Variants in NEK1 observed in about 807,000 individuals in gnomAD.
NEK1 encodes NIMA related kinase 1.
A neutral mutation model predicts 182.1 loss-of-function variants in NEK1; 137 were observed. That is an observed-to-expected ratio of 0.75 (90% CI 0.65 to 0.87). NEK1 has a LOEUF of 0.87. Ranked by LOEUF, NEK1 falls within the 40% of genes least tolerant of loss-of-function variation. The pLI, the probability that NEK1 is intolerant of heterozygous loss-of-function variation, is 0.00. For missense variants in NEK1, 1,391 were observed against 1,494.4 expected (o/e 0.93, Z 1.14); for synonymous variants, 513 against 492.2 (o/e 1.04, Z -0.56).
intron 5 of NEK1, among the ~76,000 whole-genome samples, chr4:169,593,087 T>C (rs1264678708): frequency 6.6e-6 from 1 of 151,958 alleles, no homozygotes; most frequent in Non-Finnish European, 1.5e-5. Context: ...TTGTACTTCT[T>C]AATTTGACAA....
chr4:169,606,910 T>C (rs1196164349), intron 2 of NEK1, among the ~76,000 whole-genome samples: 2 of 152,332 alleles, frequency 1.3e-5, no homozygotes, highest in East Asian at 1.9e-4. Flanking sequence ...ATCCCAGCCT[T>C]TTCCCTGAAG....
chr4:169,589,165 A>C (rs1038298225), intron 7 of NEK1, among the ~76,000 whole-genome samples: 5 of 152,216 alleles, frequency 3.3e-5, no homozygotes, highest in Non-Finnish European at 7.3e-5. Flanking sequence ...AGTATTCAGT[A>C]CAGAACATGC....
chr4:169,473,104 G>GA (rs34776787), intron 26 of NEK1, among the ~76,000 whole-genome samples: 2 of 149,210 alleles, frequency 1.3e-5, no homozygotes, highest in South Asian at 2.1e-4. Flanking sequence ...TAACAAAAAA[G>GA]AAAAAAAAAA....
rs1222449812 is a variant in NEK1 at position 169,590,364 on chromosome 4, T to C, written c.396+362A>G. On this transcript the variant is annotated intron_variant, in intron 6 of 35. Transcript: ENST00000507142. ...GACAGACAGACAGGCAAAAGGCACA[T>C]ACTTCATAATACCCATTTATATAAA... 4.1e-5 allele frequency among the ~76,000 whole-genome samples: 6 copies of C among 144,814 alleles called. No individual in the cohort carries two copies. The South Asian group carries it at 6.5e-4, about 16-fold the overall frequency.
chr4:169,599,541 T>G (rs1480584508), intron 4 of NEK1, among the ~76,000 whole-genome samples: 1 of 152,182 alleles, frequency 6.6e-6, no homozygotes, highest in African/African-American at 2.4e-5. Flanking sequence ...TAAAATCATG[T>G]TTTTCCACCA....
chr4:169,554,071 A>G (rs1162546988), intron 18 of NEK1: 2 of 152,216 alleles, frequency 1.3e-5, no homozygotes, highest in Admixed American at 1.3e-4. Flanking sequence ...CATAATTGCC[A>G]TAACTTAAAA....
intron 2 of NEK1, among the ~76,000 whole-genome samples, chr4:169,606,929 C>G (rs764691532): frequency 6.6e-6 from 1 of 152,186 alleles, no homozygotes; most frequent in Non-Finnish European, 1.5e-5. Context: ...AGAGAGTTTC[C>G]AAACTGTGCT....
At chr4:169,432,923 G>A (rs528262626) in intron 29 of NEK1, among the ~76,000 whole-genome samples, 11 of 152,234 alleles carry the variant, frequency 7.2e-5, no homozygotes, top group African/African-American at 1.7e-4. Flanking sequence ...ATAGGCACCC[G>A]CCGCCATGCC....
At chr4:169,496,855 C>A (rs1387746941) in intron 23 of NEK1, among the ~76,000 whole-genome samples, 1 of 152,112 alleles carries the variant, frequency 6.6e-6, no homozygotes, top group Non-Finnish European at 1.5e-5. Flanking sequence ...GGATATTGGT[C>A]TAAAATTCTC....
intron 26 of NEK1, among the ~76,000 whole-genome samples, chr4:169,471,256 A>C (rs1161626416): frequency 6.7e-6 from 1 of 149,072 alleles, no homozygotes; most frequent in Non-Finnish European, 1.5e-5. Flanking sequence ...CATCTTCGTG[A>C]ATTTATCTAC....
At chr4:169,593,961 T>C (rs907216668) in intron 5 of NEK1, among the ~76,000 whole-genome samples, 7 of 150,464 alleles carry the variant, frequency 4.7e-5, no homozygotes, top group Non-Finnish European at 7.4e-5. Flanking sequence ...TGCACTCCTG[T>C]CTGGGCGACA....
At chr4:169,396,172 C>A (rs575269399) in intron 35 of NEK1, among the ~76,000 whole-genome samples, 2 of 151,718 alleles carry the variant, frequency 1.3e-5, no homozygotes, top group Non-Finnish European at 2.9e-5. Context: ...TTGAGACCAG[C>A]CTGGCCAACA....
chr4:169,460,655 G>A (rs1334674628), intron 27 of NEK1, among the ~76,000 whole-genome samples: 1 of 152,048 alleles, frequency 6.6e-6, no homozygotes, highest in Admixed American at 6.6e-5. Context: ...TTAAGAAAAT[G>A]ATTGGACTTT....
At chr4:169,496,666 T>C (rs1751356844) in intron 23 of NEK1, among the ~76,000 whole-genome samples, 1 of 149,514 alleles carries the variant, frequency 6.7e-6, no homozygotes. Flanking sequence ...GATAATCATG[T>C]GGTTTTTGCC....
At chr4:169,528,430 T>C (rs1275734664) in intron 19 of NEK1, among the ~76,000 whole-genome samples, 3 of 152,104 alleles carry the variant, frequency 2.0e-5, no homozygotes, top group African/African-American at 7.2e-5. Context: ...CACGAGGAAA[T>C]AAATTCTCTC....
At chr4:169,455,240 T>C (rs964081283) in intron 27 of NEK1, among the ~76,000 whole-genome samples, 1 of 151,970 alleles carries the variant, frequency 6.6e-6, no homozygotes, top group East Asian at 1.9e-4. Context: ...GATGAGTTGA[T>C]TGGTGCAGCA....
intron 31 of NEK1, among the ~76,000 whole-genome samples, chr4:169,412,138 T>C (rs912141308): frequency 3.9e-5 from 6 of 152,226 alleles, no homozygotes; most frequent in African/African-American, 1.4e-4. Flanking sequence ...TAGCAGATAT[T>C]TAATAAATAT....
chr4:169,481,814 A>C (rs932244198), intron 23 of NEK1, among the ~76,000 whole-genome samples: 1 of 152,156 alleles, frequency 6.6e-6, no homozygotes, highest in African/African-American at 2.4e-5. Flanking sequence ...TCCCAACAAG[A>C]GAGTCAGCCA....
chr4:169,498,813 C>G (rs895021875), intron 23 of NEK1, among the ~76,000 whole-genome samples: 1 of 152,180 alleles, frequency 6.6e-6, no homozygotes, highest in Non-Finnish European at 1.5e-5. Context: ...GGTAACCCAA[C>G]CTTTCTCTCT....
Sources: gnomAD v4.1 joint callset for allele counts (sites outside exome capture counted in the v4.1 genomes callset) on GRCh38, gnomAD v4.1.1 for gene constraint, MANE v1.5 for transcripts, NCBI Gene and HGNC (gene_info 2026-07-23, HGNC 2026-07-21) for gene names.